Variants in LAMA3 observed in about 807,000 individuals in gnomAD.
LAMA3 encodes the protein laminin subunit alpha-3.
A neutral mutation model predicts 402.0 loss-of-function variants in LAMA3; 281 were observed. The ratio of observed to expected loss-of-function variants is 0.70; its 90% CI spans 0.63 to 0.77. LAMA3 has a LOEUF of 0.77. Among genes scored for constraint, LAMA3 ranks in the 30% least tolerant of loss-of-function variants. The probability of loss-of-function intolerance (pLI) is 0.00; values close to 1 mark genes in which losing one functional copy is unlikely to be tolerated. For synonymous variants in LAMA3, 1,431 were observed against 1,558.4 expected (o/e 0.92, Z 1.93); for missense variants, 3,840 against 4,215.5 (o/e 0.91, Z 2.47).
At chr18:23,846,535 G>A (rs143594679) in intron 31 of LAMA3, 27 bp downstream of exon 31, 443 of 1,584,676 alleles carry the variant, frequency 2.8e-4, no homozygotes, top group Non-Finnish European at 3.5e-4. Context: ...CATCACCCAA[G>A]TTCTGCTCTG....
intron 32 of LAMA3, among the ~76,000 whole-genome samples, chr18:23,850,412 C>A (rs1030154859): frequency 6.6e-6 from 1 of 152,192 alleles, no homozygotes; most frequent in African/African-American, 2.4e-5. Flanking sequence ...TAAAACTGAG[C>A]CTTCGACTCA....
At chr18:23,818,825 AT>A (rs1208790650) in intron 18 of LAMA3, among the ~76,000 whole-genome samples, 18 of 152,136 alleles carry the variant, frequency 1.2e-4, no homozygotes, top group African/African-American at 4.3e-4. Context: ...AATATTTCCT[AT>A]TATCATTAGC....
chr18:23,696,508 C>CT (rs762607955), intron 1 of LAMA3, among the ~76,000 whole-genome samples: 50 of 151,348 alleles, frequency 3.3e-4, no homozygotes, highest in African/African-American at 9.2e-4. Context: ...TGAAATCCCC[C>CT]TGTTTTTTTT....
At chr18:23,799,112 G>A (rs2062822027) in intron 12 of LAMA3, among the ~76,000 whole-genome samples, 1 of 152,210 alleles carries the variant, frequency 6.6e-6, no homozygotes, top group Non-Finnish European at 1.5e-5. Context: ...ATTTAATCCT[G>A]GAAGGTATTC....
At chr18:23,760,207 T>A (rs556061904) in intron 7 of LAMA3, among the ~76,000 whole-genome samples, 5 of 152,342 alleles carry the variant, frequency 3.3e-5, no homozygotes, top group African/African-American at 1.2e-4. Context: ...ATTAAATTGT[T>A]AAAAGTTACA....
rs776417967 is a variant in LAMA3 at position 23,844,990 on chromosome 18, G to A, written c.3604-19G>A. 1 of 1,330,730 alleles carries A rather than the reference G, an allele frequency of 7.5e-7. No homozygotes were observed. Among genetic ancestry groups the A allele is most frequent in the East Asian group, 2.3e-5 (1 of 43,570 alleles). 82.4% of individuals were successfully genotyped at this position (1,330,730 alleles called of 1,614,324 possible). A position where few individuals can be genotyped will look rare whatever the true frequency, so the allele number is the denominator to read the frequency against. ...GTCATCATTGGAAATTCTAAGACATGCTGGTGGATTTCTTTCAGGTCCGTG... is the reference window on the plus strand; with the variant it reads ...GTCATCATTGGAAATTCTAAGACATACTGGTGGATTTCTTTCAGGTCCGTG... On this transcript the variant is annotated intron_variant, in intron 29 of 74. Coordinates refer to ENST00000313654, the MANE Select transcript of LAMA3 (RefSeq NM_198129.4).
At chr18:23,835,391 T>C (rs1208219421) in intron 24 of LAMA3, among the ~76,000 whole-genome samples, 1 of 152,050 alleles carries the variant, frequency 6.6e-6, no homozygotes, top group Non-Finnish European at 1.5e-5. Flanking sequence ...AGAGGAGTGG[T>C]TTCAAAACCA....
At chr18:23,772,403 T>C (rs2062220444) in intron 8 of LAMA3, among the ~76,000 whole-genome samples, 1 of 152,170 alleles carries the variant, frequency 6.6e-6, no homozygotes, top group South Asian at 2.1e-4. Flanking sequence ...CTATTTCCAG[T>C]CTAGTTAACC....
rs749225641 is a variant in LAMA3, at chr18:23,951,707, G to A, written c.9666G>A (p.Gly3222=). The change falls in exon 73 of 75, where the codon GGG becomes GGA. Residue 3222 remains glycine (G), a synonymous_variant. Coordinates refer to ENST00000313654, the MANE Select transcript of LAMA3 (RefSeq NM_198129.4). ...AGGTCACGGCCTCTATGGACAGTGGGGCAGGTGGGACCTCAACGTCGGTCA... is the reference window on the plus strand; with the variant it reads ...AGGTCACGGCCTCTATGGACAGTGGAGCAGGTGGGACCTCAACGTCGGTCA... ...AGKVTASMDS[G]AGGTSTSVTP... 1 of 1,613,834 alleles carries A rather than the reference G, an allele frequency of 6.2e-7. No individual in the cohort carries two copies. The highest frequency in any genetic ancestry group is 8.5e-7 in the Non-Finnish European group (1 of 1,179,936).
chr18:23,846,893 T>A (rs926091555), intron 31 of LAMA3, among the ~76,000 whole-genome samples: 2 of 152,214 alleles, frequency 1.3e-5, no homozygotes, highest in Non-Finnish European at 2.9e-5. Flanking sequence ...CCAAACTCAG[T>A]TGAGATAGGA....
chr18:23,718,286 T>C (rs11082712), intron 2 of LAMA3, among the ~76,000 whole-genome samples: 74,164 of 151,776 alleles, frequency 0.49, 19,841 homozygotes, highest in Non-Finnish European at 0.61. Context: ...TATGTTCACC[T>C]TCCAGCTCCC....
At chr18:23,919,081 CTT>C (rs1430710712) in intron 60 of LAMA3, among the ~76,000 whole-genome samples, 1 of 152,208 alleles carries the variant, frequency 6.6e-6, no homozygotes, top group African/African-American at 2.4e-5. Context: ...AATAAGAAAA[CTT>C]AACATAATAC....
intron 11 of LAMA3, among the ~76,000 whole-genome samples, chr18:23,783,336 A>G (rs2062474077): frequency 6.6e-6 from 1 of 152,174 alleles, no homozygotes; most frequent in Admixed American, 6.5e-5. Context: ...AAACACAGCT[A>G]AGATAGAGAA....
At chr18:23,802,170 T>G (rs2062877172) in intron 12 of LAMA3, among the ~76,000 whole-genome samples, 1 of 152,184 alleles carries the variant, frequency 6.6e-6, no homozygotes, top group South Asian at 2.1e-4. Flanking sequence ...ATATTCAAAT[T>G]TGAGATGCCC....
At chr18:23,692,266 A>G (rs535367407) in intron 1 of LAMA3, among the ~76,000 whole-genome samples, 1 of 152,196 alleles carries the variant, frequency 6.6e-6, no homozygotes, top group South Asian at 2.1e-4. Flanking sequence ...TTACGTTTTA[A>G]TGTTTTGTAT....
chr18:23,744,619 C>T (rs988038291), intron 2 of LAMA3, among the ~76,000 whole-genome samples: 1 of 151,930 alleles, frequency 6.6e-6, no homozygotes, highest in African/African-American at 2.4e-5. Flanking sequence ...ATCACGAGGT[C>T]AGGAGATCGA....
rs1309639513 is a variant in LAMA3 at position 23,751,085 on chromosome 18, G to T, written c.852G>T (p.Arg284=). The T allele has an allele frequency of 1.9e-6, 3 of 1,613,942 alleles. No homozygotes were observed. The highest frequency in any genetic ancestry group is 2.5e-6 in the Non-Finnish European group (3 of 1,179,986). ...CCCAGCGAGATCCAACTGTCACTCG[G>T]CGGGTGAGTAGTCAGAGCATTTGTT... is the stretch of plus-strand genomic sequence containing the variant. The part of the protein sequence containing the change: ...SKAQRDPTVT[R]RYYYSIKDIS... Residue 284 remains arginine (R), a synonymous_variant, in exon 5 of 75, where the codon CGG becomes CGT. Transcript: ENST00000313654.
At position 23,723,833 on chromosome 18, in the gene LAMA3, A is replaced by G. The variant is rs532169860; in HGVS notation, c.447+9761A>G. On this transcript the variant is annotated intron_variant, in intron 2 of 74. Coordinates refer to ENST00000313654, the MANE Select transcript of LAMA3 (RefSeq NM_198129.4). ...AAAAGCTCTCAGAATAGTGCCTTAC[A>G]TGCTGTAAGAACTAAATCCATGTTA... 3.9e-5 allele frequency among the ~76,000 whole-genome samples: 6 copies of G among 152,278 alleles called. No individual in the cohort carries two copies. The South Asian group carries it at 6.2e-4, about 16-fold the overall frequency.
At position 23,899,253 on chromosome 18, in the gene LAMA3, A is replaced by C. The variant is rs188310963; in HGVS notation, c.5837-35A>C. The C allele has an allele frequency of 4.7e-3, 7,560 of 1,598,242 alleles. 19 individuals carry two copies. The highest frequency in any genetic ancestry group is 5.2e-3 in the Non-Finnish European group (6,036 of 1,167,160). On this transcript the variant is annotated intron_variant, in intron 46 of 74. Transcript: ENST00000313654. The stretch of plus-strand genomic sequence containing the variant: ...TTTAAGTAGCCTACTGGAGCCCAGA[A>C]TTCCCAGTCTAATAGACCACTTGAT...
Sources: gnomAD v4.1 joint callset for allele counts (sites outside exome capture counted in the v4.1 genomes callset) on GRCh38, gnomAD v4.1.1 for gene constraint, MANE v1.5 for transcripts, NCBI Gene and HGNC (gene_info 2026-07-23, HGNC 2026-07-21) for gene names.